The following CNTNAP2 variants were observed in gnomAD, a reference collection of about 807,000 sequenced individuals.
The protein encoded by CNTNAP2 is contactin associated protein 2.
Under a neutral mutation model 155.2 loss-of-function variants are expected in CNTNAP2, and 98 were observed. The ratio of observed to expected loss-of-function variants is 0.63; its 90% CI spans 0.54 to 0.75. The LOEUF (loss-of-function observed/expected upper bound fraction) is 0.75. CNTNAP2 is among the 30% of genes least tolerant of loss of function. The pLI is 0.00. For synonymous variants in CNTNAP2, 651 were observed against 631.2 expected, an observed-to-expected ratio of 1.03 and a Z score of -0.47; for missense variants, 1,727 against 1,688.1, an observed-to-expected ratio of 1.02 and a Z score of -0.40.
intron 11 of CNTNAP2, among the ~76,000 whole-genome samples, chr7:147,510,618 C>T (rs971591075): frequency 6.7e-6 from 1 of 149,944 alleles, no homozygotes; most frequent in African/African-American, 2.5e-5. Flanking sequence ...CAATGCCATA[C>T]AAAATAGATT....
At chr7:147,839,955 C>CACACACACACACACACAT (rs771240317) in intron 13 of CNTNAP2, among the ~76,000 whole-genome samples, 3 of 150,892 alleles carry the variant, frequency 2.0e-5, no homozygotes, top group East Asian at 3.9e-4. Flanking sequence ...CACACACACA[C>CACACACACACACACACAT]ATATATATAC....
intron 1 of CNTNAP2, among the ~76,000 whole-genome samples, chr7:146,584,326 A>G (rs1798655272): frequency 6.6e-6 from 1 of 152,160 alleles, no homozygotes; most frequent in South Asian, 2.1e-4. Flanking sequence ...GCACCGAAAG[A>G]ATTCAGTCAA....
chr7:147,004,212 C>CA (rs71525979), intron 3 of CNTNAP2, among the ~76,000 whole-genome samples: 4,188 of 97,644 alleles, frequency 0.043, 92 homozygotes, highest in Middle Eastern at 0.062. Flanking sequence ...ACTCATATAC[C>CA]AAAAAAAAAA....
chr7:147,029,659 C>T (rs767772121), intron 3 of CNTNAP2, among the ~76,000 whole-genome samples: 7 of 151,244 alleles, frequency 4.6e-5, no homozygotes, highest in African/African-American at 1.2e-4. Flanking sequence ...TTTGAAGAAA[C>T]ATTACCTGGT....
At chr7:147,708,896 C>A (rs544071620) in intron 13 of CNTNAP2, among the ~76,000 whole-genome samples, 1 of 152,134 alleles carries the variant, frequency 6.6e-6, no homozygotes, top group Non-Finnish European at 1.5e-5. Flanking sequence ...CTCTAGTCAG[C>A]CACCTTGCAA....
chr7:146,465,840 A>AT (rs1230738284), intron 1 of CNTNAP2, among the ~76,000 whole-genome samples: 4 of 152,216 alleles, frequency 2.6e-5, no homozygotes, highest in Admixed American at 6.5e-5. Flanking sequence ...TAAGACACTA[A>AT]GAATGAAATC....
chr7:148,344,967 T>C (rs750571488), intron 21 of CNTNAP2, among the ~76,000 whole-genome samples: 2 of 152,198 alleles, frequency 1.3e-5, no homozygotes, highest in Non-Finnish European at 2.9e-5. Context: ...GCTGGGCGAC[T>C]CTAGGGCTGC....
intron 9 of CNTNAP2, among the ~76,000 whole-genome samples, chr7:147,365,153 C>A (rs977491865): frequency 1.3e-5 from 2 of 151,710 alleles, no homozygotes; most frequent in African/African-American, 4.8e-5. Context: ...CCTGTAATCC[C>A]AGCACTTGAG....
At chr7:146,970,324 TA>T (rs1164200786) in intron 3 of CNTNAP2, among the ~76,000 whole-genome samples, 2 of 151,858 alleles carry the variant, frequency 1.3e-5, no homozygotes, top group East Asian at 3.9e-4. Context: ...GACAAAGGGC[TA>T]CTATCCAGAA....
At chr7:147,127,616 A>C (rs556523081) in intron 6 of CNTNAP2, among the ~76,000 whole-genome samples, 3 of 152,184 alleles carry the variant, frequency 2.0e-5, no homozygotes, top group Non-Finnish European at 4.4e-5. Flanking sequence ...CACAGGCTCA[A>C]GTTAACAGAT....
intron 2 of CNTNAP2, among the ~76,000 whole-genome samples, chr7:146,797,387 T>C (rs1359444765): frequency 1.3e-5 from 2 of 152,174 alleles, no homozygotes; most frequent in African/African-American, 4.8e-5. Context: ...CTTGATATCA[T>C]GTGGGGCTGT....
At chr7:147,937,962 C>T in intron 14 of CNTNAP2, among the ~76,000 whole-genome samples, 1 of 152,080 alleles carries the variant, frequency 6.6e-6, no homozygotes, top group African/African-American at 2.4e-5. Flanking sequence ...TCTATCTTAA[C>T]CATGGTTAAT....
At chr7:146,297,762 C>G (rs187342244) in intron 1 of CNTNAP2, among the ~76,000 whole-genome samples, 1 of 151,872 alleles carries the variant, frequency 6.6e-6, no homozygotes, top group African/African-American at 2.4e-5. Context: ...ATAAGCATAC[C>G]TTCTATAAAT....
At chr7:146,906,637 C>T (rs1239129919) in intron 3 of CNTNAP2, among the ~76,000 whole-genome samples, 3 of 151,922 alleles carry the variant, frequency 2.0e-5, no homozygotes, top group Admixed American at 6.6e-5. Flanking sequence ...ACATCCACAC[C>T]GAAAACCCAT....
At chr7:147,886,137 G>C (rs117866552) in intron 13 of CNTNAP2, among the ~76,000 whole-genome samples, 4,996 of 152,206 alleles carry the variant, frequency 0.033, 131 homozygotes, top group Non-Finnish European at 0.053. Flanking sequence ...ACTGTCCCAT[G>C]CTCAGGCATC....
chr7:148,076,878 G>C lies in CNTNAP2; in HGVS notation c.2384-41240G>C, dbSNP rs558892641. On this transcript the variant is annotated intron_variant, in intron 15 of 23. Transcript: ENST00000361727. ...ATGTTAGCAATCTATTTGAAACAAG[G>C]TTTCTTGGCATTCATCTAGCTGTAT... 6.6e-5 allele frequency among the ~76,000 whole-genome samples: 10 copies of C among 152,266 alleles called. No individual in the cohort carries two copies. In the South Asian group the frequency reaches 2.1e-3, roughly 32 times the overall value.
chr7:146,352,180 A>C (rs937309803), intron 1 of CNTNAP2, among the ~76,000 whole-genome samples: 22 of 152,190 alleles, frequency 1.4e-4, no homozygotes, highest in Admixed American at 5.2e-4. Context: ...CATGTTGTAC[A>C]CTATTCATCT....
chr7:147,717,351 C>T (rs1796496427), intron 13 of CNTNAP2, among the ~76,000 whole-genome samples: 2 of 152,172 alleles, frequency 1.3e-5, no homozygotes, highest in South Asian at 2.1e-4. Context: ...ATAATTAGGC[C>T]TGGTTGAAAA....
At position 147,832,476 on chromosome 7, in the gene CNTNAP2, C is replaced by A. The variant is rs1024143285; in HGVS notation, c.2099-71089C>A. 2.7e-5 allele frequency among the ~76,000 whole-genome samples: 4 copies of A among 145,878 alleles called. No homozygotes were observed. The East Asian group carries it at 7.9e-4, about 29-fold the overall frequency. ...GAAAGGAAGTTTCAGAAATATCTCA[C>A]CCAATTAACTTTGCTTATATTTTAT... On this transcript the variant is annotated intron_variant, in intron 13 of 23. Coordinates refer to ENST00000361727, the MANE Select transcript of CNTNAP2 (RefSeq NM_014141.6).
Sources: gnomAD v4.1 joint callset for allele counts (sites outside exome capture counted in the v4.1 genomes callset) on GRCh38, gnomAD v4.1.1 for gene constraint, MANE v1.5 for transcripts, NCBI Gene and HGNC (gene_info 2026-07-23, HGNC 2026-07-21) for gene names.